LLGL1: variants seen among roughly 807,000 people sequenced by gnomAD.
LLGL1 encodes the protein lethal(2) giant larvae protein homolog 1.
LLGL1 carries 58 observed loss-of-function variants against 110.6 expected under a neutral mutation model. That is an observed-to-expected ratio of 0.52 (90% CI 0.42 to 0.65). The LOEUF (loss-of-function observed/expected upper bound fraction) is 0.65. Among genes scored for constraint, LLGL1 ranks in the 30% least tolerant of loss-of-function variants. The pLI, the probability that LLGL1 is intolerant of heterozygous loss-of-function variation, is 0.00. For synonymous variants in LLGL1, 674 were observed against 607.2 expected (o/e 1.11, Z -1.62); for missense variants, 1,229 against 1,462.1 (o/e 0.84, Z 2.60).
intron 1 of LLGL1, among the ~76,000 whole-genome samples, chr17:18,227,759 T>C (rs1171571644): frequency 6.6e-6 from 1 of 152,172 alleles, no homozygotes; most frequent in Non-Finnish European, 1.5e-5. Context: ...GGGGTGAAGC[T>C]CAGCCCACTC....
At chr17:18,239,245 G>A (rs907341533) in intron 16 of LLGL1, among the ~76,000 whole-genome samples, 14 of 152,204 alleles carry the variant, frequency 9.2e-5, no homozygotes, top group African/African-American at 3.4e-4. Context: ...GAGTGGAGCA[G>A]GTGAGGGTCG....
Position 18,240,052 on chromosome 17 carries a change from C to CA in LLGL1, c.2207-526_2207-525insA, listed in dbSNP as rs1567694876. Among the ~76,000 whole-genome samples, 4 of 152,064 alleles carry CA rather than the reference C, an allele frequency of 2.6e-5. No homozygotes were observed. Among genetic ancestry groups the CA allele is most frequent in the African/African-American group, 7.2e-5 (3 of 41,390 alleles). On this transcript the variant is annotated intron_variant, in intron 16 of 22. Coordinates refer to ENST00000316843, the MANE Select transcript of LLGL1 (RefSeq NM_004140.4). This position sits in a 1 kb window ranked among gnomAD's most constrained non-coding sequence, Gnocchi z 5.3. ...GTCGATGGATGGTCGTCCTAGGTGT[C>CA]CCCAGGCTTGGCGGCTTCCTCTGGC...
At chr17:18,237,992 C>T in intron 14 of LLGL1, 75 bp from the exon 15 acceptor site, 2 of 1,550,316 alleles carry the variant, frequency 1.3e-6, no homozygotes, top group Admixed American at 3.6e-5. Context: ...CTGGGTGCCT[C>T]CACAGGCCAG....
At chr17:18,242,418 A>T in intron 20 of LLGL1, 90 bp from the exon 21 acceptor site, 1 of 1,583,414 alleles carries the variant, frequency 6.3e-7, no homozygotes, top group Non-Finnish European at 8.6e-7. Flanking sequence ...ACCCCTCACC[A>T]TGGGCTGCCT....
At chr17:18,237,856 T>G in intron 14 of LLGL1, 83 bp downstream of exon 14, 2 of 1,469,758 alleles carry the variant, frequency 1.4e-6, no homozygotes, top group Non-Finnish European at 1.8e-6. Context: ...TAGTGTTTGG[T>G]GTGGCAAAGG....
At chr17:18,242,142 C>T (rs1314218702) in intron 19 of LLGL1, 24 bp from the exon 20 acceptor site, 2 of 1,592,706 alleles carry the variant, frequency 1.3e-6, no homozygotes, top group South Asian at 1.1e-5. Context: ...ACCTATGGTC[C>T]CCATCATGGC....
At chr17:18,238,780 G>A (rs1284154277) in intron 16 of LLGL1, among the ~76,000 whole-genome samples, 171 bp downstream of exon 16, 3 of 152,178 alleles carry the variant, frequency 2.0e-5, no homozygotes, top group Non-Finnish European at 4.4e-5. Flanking sequence ...GGAGGCCGAG[G>A]TGGGCGGATC....
intron 2 of LLGL1, among the ~76,000 whole-genome samples, chr17:18,231,281 A>G (rs2047561504): frequency 6.6e-6 from 1 of 152,162 alleles, no homozygotes; most frequent in South Asian, 2.1e-4. Context: ...TCCCCCTGCC[A>G]GGCCAGCCCC....
rs1482605446 is a variant in LLGL1, at chr17:18,234,977, C to T, written c.1044C>T (p.Ser348=). The T allele has an allele frequency of 1.2e-6, 2 of 1,613,952 alleles. No homozygotes were observed. The highest frequency in any genetic ancestry group is 2.2e-5 in the South Asian group (2 of 91,084). Residue 348 remains serine, a synonymous_variant, in exon 9 of 23, where the codon AGC becomes AGT. Coordinates refer to ENST00000316843, the MANE Select transcript of LLGL1 (RefSeq NM_004140.4). ...SRIIDFFTVH[S]TRPEDEFDDP... ...TCATCGACTTCTTCACAGTGCACAGCACACGGCCCGAGGATGGTGCGTGCC... is the reference window on the plus strand; with the variant it reads ...TCATCGACTTCTTCACAGTGCACAGTACACGGCCCGAGGATGGTGCGTGCC...
chr17:18,241,384 C>A, intron 17 of LLGL1, 67 bp from the exon 18 acceptor site: 1 of 1,539,264 alleles, frequency 6.5e-7, no homozygotes, highest in Non-Finnish European at 8.8e-7. Flanking sequence ...TCAGCAGCCA[C>A]GAGGGTGAGG....
chr17:18,233,802 C>T lies in LLGL1; in HGVS notation c.417C>T (p.Val139=), dbSNP rs766310923. The change falls in exon 5 of 23, where the codon GTC becomes GTT. Residue 139 remains valine (V), a synonymous_variant. Transcript: ENST00000316843. ...GTGCTCCGCTCAGCCTTACCCGAGT[C>T]ACAGTGGTCCTGCTGGTGGCTGCCA... ...GASAPLSLTR[V]TVVLLVAASD... 1 of 1,613,914 alleles carries T rather than the reference C, an allele frequency of 6.2e-7. No homozygotes were observed. The highest frequency in any genetic ancestry group is 8.5e-7 in the Non-Finnish European group (1 of 1,179,914).
Position 18,238,590 on chromosome 17 carries a change from C to G in LLGL1, c.2187C>G (p.Ala729=). ...LSGVVRCLYF[A]DTFLRDGAHH... ...GTGTCGTGCGTTGCCTATACTTTGCCGACACATTCCTTCGAGATGGTAAGG... is the reference window on the plus strand; with the variant it reads ...GTGTCGTGCGTTGCCTATACTTTGCGGACACATTCCTTCGAGATGGTAAGG... The change falls in exon 16 of 23, where the codon GCC becomes GCG. Residue 729 remains alanine (A), a synonymous_variant. Transcript: ENST00000316843. 3.7e-6 allele frequency: 6 copies of G among 1,612,380 alleles called. No homozygotes were observed. The highest frequency in any genetic ancestry group is 5.1e-6 in the Non-Finnish European group (6 of 1,179,724).
intron 1 of LLGL1, among the ~76,000 whole-genome samples, chr17:18,228,064 A>G (rs950265509): frequency 6.6e-6 from 1 of 152,210 alleles, no homozygotes; most frequent in South Asian, 2.1e-4. Context: ...GAGGTCTCCA[A>G]GGTGCTGGGG....
chr17:18,240,908 A>C lies in LLGL1; in HGVS notation c.2502+35A>C. 1 of 1,478,336 alleles carries C rather than the reference A, an allele frequency of 6.8e-7. No individual in the cohort carries two copies. The highest frequency in any genetic ancestry group is 9.1e-7 in the Non-Finnish European group (1 of 1,104,808). The allele number at this position is 1,478,336 out of a possible 1,614,324, so 91.6% of individuals were successfully genotyped here. A position where few individuals can be genotyped will look rare whatever the true frequency, so the allele number is the denominator to read the frequency against. ...TGTGGGCTGTGGGGGACTCTGGGGG[A>C]CTCCCCTCCAGGCCCCAACCTCATG... On this transcript the variant is annotated intron_variant, in intron 17 of 22. Coordinates refer to ENST00000316843, the MANE Select transcript of LLGL1 (RefSeq NM_004140.4). This position sits in a 1 kb window ranked among gnomAD's most constrained non-coding sequence, Gnocchi z 5.3.
At position 18,229,943 on chromosome 17, in the gene LLGL1, T is replaced by C; in HGVS notation, c.84T>C (p.Thr28=). ...CAGCAGCCCTCCCCTCCTTGCAGAC[T>C]GTGGAGCATGGCTTCCCCAATCAGC... is the stretch of plus-strand genomic sequence containing the variant. ...LKQELFAFNK[T]VEHGFPNQPS... is the part of the protein sequence containing the mutation. Residue 28 remains threonine (T), a splice_region_variant and synonymous_variant, in exon 2 of 23, where the codon ACT becomes ACC. Coordinates refer to ENST00000316843, the MANE Select transcript of LLGL1 (RefSeq NM_004140.4). The C allele has an allele frequency of 6.2e-7, 1 of 1,607,406 alleles. No individual in the cohort carries two copies.
At chr17:18,229,723 A>G (rs1055455013) in intron 1 of LLGL1, among the ~76,000 whole-genome samples, 3 of 152,132 alleles carry the variant, frequency 2.0e-5, no homozygotes, top group Non-Finnish European at 4.4e-5. Flanking sequence ...CGGTACAGTC[A>G]TGGTGGAGGC....
rs748335410 is a variant in LLGL1 at position 18,232,522 on chromosome 17, A to C, written c.207A>C (p.Thr69=). The change falls in exon 3 of 23, where the codon ACA becomes ACC. Residue 69 remains threonine (T), a synonymous_variant. Coordinates refer to ENST00000316843, the MANE Select transcript of LLGL1 (RefSeq NM_004140.4). ...ATGGTGCACCTGGCGTGGAGTTCAC[A>C]GGCCTGCACCGGGATGCAGCCACTG... ...KIYGAPGVEF[T]GLHRDAATVT... is the part of the protein sequence containing the mutation. The C allele has an allele frequency of 6.2e-7, 1 of 1,614,064 alleles. No individual in the cohort carries two copies. The highest frequency in any genetic ancestry group is 8.5e-7 in the Non-Finnish European group (1 of 1,179,982).
chr17:18,240,506 A>C lies in LLGL1; in HGVS notation c.2207-72A>C. On this transcript the variant is annotated intron_variant, in intron 16 of 22. Coordinates refer to ENST00000316843, the MANE Select transcript of LLGL1 (RefSeq NM_004140.4). This position sits in a 1 kb window ranked among gnomAD's most constrained non-coding sequence, Gnocchi z 5.3. ...ACAAGAGAGGCAGGGAGGGACCTGCAGTCTGTGGGAAGACCCCAGGGGAGA... is the reference window on the plus strand; with the variant it reads ...ACAAGAGAGGCAGGGAGGGACCTGCCGTCTGTGGGAAGACCCCAGGGGAGA... 4 of 1,469,932 alleles carry C rather than the reference A, an allele frequency of 2.7e-6. No homozygotes were observed. The highest frequency in any genetic ancestry group is 3.6e-6 in the Non-Finnish European group (4 of 1,098,976). 91.1% of individuals were successfully genotyped at this position (1,469,932 alleles called of 1,614,324 possible). A position where few individuals can be genotyped will look rare whatever the true frequency, so the allele number is the denominator to read the frequency against.
In LLGL1 at chr17:18,235,233, C is replaced by A; in HGVS notation, c.1205C>A (p.Ala402Asp). Residue 402 changes from alanine (A) to aspartate (D), a missense_variant, in exon 10 of 23, where the codon GCC becomes GAC. By Grantham distance (126) the Ala-to-Asp change is moderately radical. Transcript: ENST00000316843. ...SSAITCSAHV[A>D]SVPAKLWARI... is the part of the protein sequence containing the mutation. ...GCAATCACTTGCTCGGCCCACGTGG[C>A]CAGTGTCCCCGCCAAGCTGTGGGCC... 1 of 1,610,684 alleles carries A rather than the reference C, an allele frequency of 6.2e-7. No homozygotes were observed. Among genetic ancestry groups the A allele is most frequent in the Non-Finnish European group, 8.5e-7 (1 of 1,180,020 alleles).
Sources: allele counts gnomAD v4.1 joint callset (sites outside exome capture counted in the v4.1 genomes callset), GRCh38; gene constraint gnomAD v4.1.1; non-coding constraint Gnocchi (gnomAD v3.1); transcripts MANE v1.5; gene names NCBI Gene and HGNC (gene_info 2026-07-23, HGNC 2026-07-21).